The following CTNNA3 variants were observed in gnomAD, a reference collection of about 807,000 sequenced individuals.
CTNNA3 encodes the protein catenin alpha 3.
In CTNNA3, 76 loss-of-function variants were observed where a neutral mutation model predicts 95.7. The ratio of observed to expected loss-of-function variants is 0.79; its 90% CI spans 0.66 to 0.96. The LOEUF (loss-of-function observed/expected upper bound fraction) is 0.96. Among genes scored for constraint, CTNNA3 ranks in the 40% least tolerant of loss-of-function variants. The probability of loss-of-function intolerance (pLI) is 0.00; values close to 1 mark genes in which losing one functional copy is unlikely to be tolerated. For missense variants in CTNNA3, 1,191 were observed against 1,089.8 expected, an observed-to-expected ratio of 1.09 and a Z score of -1.31; for synonymous variants, 431 against 374.4, an observed-to-expected ratio of 1.15 and a Z score of -1.74.
intron 7 of CTNNA3, among the ~76,000 whole-genome samples, chr10:66,800,303 T>G (rs565953096): frequency 1.3e-5 from 2 of 151,460 alleles, no homozygotes; most frequent in South Asian, 4.2e-4. Flanking sequence ...TTTGATAAAT[T>G]AATATCAAAA....
chr10:67,364,453 T>C (rs1843128380), intron 5 of CTNNA3, among the ~76,000 whole-genome samples: 1 of 152,126 alleles, frequency 6.6e-6, no homozygotes, highest in South Asian at 2.1e-4. Flanking sequence ...TTCAATGTAG[T>C]GTTGGAAGTC....
intron 9 of CTNNA3, among the ~76,000 whole-genome samples, chr10:66,659,827 T>G (rs1846198078): frequency 6.6e-6 from 1 of 152,140 alleles, no homozygotes; most frequent in Non-Finnish European, 1.5e-5. Flanking sequence ...CCTCCAGAAC[T>G]GTAAGAAATA....
chr10:66,621,691 C>A lies in CTNNA3; in HGVS notation c.1374+1G>T, dbSNP rs1388172986. The A allele has an allele frequency of 6.3e-7, 1 of 1,578,700 alleles. No individual in the cohort carries two copies. Among genetic ancestry groups the A allele is most frequent in the African/African-American group, 1.4e-5 (1 of 73,796 alleles). On this transcript the variant is annotated splice_donor_variant, in intron 10 of 17. Coordinates refer to ENST00000433211, the MANE Select transcript of CTNNA3 (RefSeq NM_013266.4). LOFTEE classifies it high-confidence loss of function. ...CACAAAAAGTAACTTAGTTGTCATA[C>A]CTGTGGACACAAGGTTTCCAAATGA...
At chr10:66,685,160 CGTATATATATATATACACAT>C (rs1016364850) in intron 9 of CTNNA3, among the ~76,000 whole-genome samples, 6 of 129,222 alleles carry the variant, frequency 4.6e-5, no homozygotes, top group Non-Finnish European at 9.6e-5. Context: ...TATATATACA[CGTATATATATATATACACAT>C]ATATATATAC....
At position 67,564,677 on chromosome 10, in the gene CTNNA3, G is replaced by GTATATATATATATATATA. The variant is rs71006151; in HGVS notation, c.293-25026_293-25009dup. On this transcript the variant is annotated intron_variant, in intron 3 of 17. Transcript: ENST00000433211. ...TATATGCATATATGTGTGTGTGTGT[G>GTATATATATATATATATA]TATATATATATATATATATATATAT... Among the ~76,000 whole-genome samples, 3 of 61,334 alleles carry GTATATATATATATATATA rather than the reference G, an allele frequency of 4.9e-5. 1 individual carries two copies. The highest frequency in any genetic ancestry group is 1.9e-4 in the African/African-American group (3 of 15,662). 40.2% of individuals were successfully genotyped at this position (61,334 alleles called of 152,430 possible). A position where few individuals can be genotyped will look rare whatever the true frequency, so the allele number is the denominator to read the frequency against.
intron 1 of CTNNA3, among the ~76,000 whole-genome samples, chr10:67,709,979 A>G (rs1841097979): frequency 6.6e-6 from 1 of 152,234 alleles, no homozygotes; most frequent in East Asian, 1.9e-4. Flanking sequence ...ATTAAATGCC[A>G]GGTGTGTCCC....
intron 16 of CTNNA3, among the ~76,000 whole-genome samples, chr10:65,980,687 C>G (rs1333053432): frequency 6.6e-6 from 1 of 151,738 alleles, no homozygotes; most frequent in African/African-American, 2.4e-5. Flanking sequence ...AGGGATTATT[C>G]AACATCTGCA....
chr10:66,412,032 T>C (rs906147018), intron 11 of CTNNA3, among the ~76,000 whole-genome samples: 13 of 152,156 alleles, frequency 8.5e-5, no homozygotes, highest in African/African-American at 3.1e-4. Flanking sequence ...ACTTTGGGCC[T>C]AGAAGTTTCC....
intron 5 of CTNNA3, among the ~76,000 whole-genome samples, chr10:67,221,703 T>C (rs1589882974): frequency 6.6e-6 from 1 of 151,866 alleles, no homozygotes; most frequent in East Asian, 1.9e-4. Flanking sequence ...GCCTCCTGAG[T>C]AGCTGAGACT....
intron 7 of CTNNA3, among the ~76,000 whole-genome samples, chr10:66,822,644 C>T (rs1415441078): frequency 6.6e-6 from 1 of 152,100 alleles, no homozygotes; most frequent in Non-Finnish European, 1.5e-5. Flanking sequence ...CAATAGTAGA[C>T]TATTATCAGT....
intron 11 of CTNNA3, among the ~76,000 whole-genome samples, chr10:66,424,904 C>A (rs2093225902): frequency 6.6e-6 from 1 of 151,944 alleles, no homozygotes; most frequent in African/African-American, 2.4e-5. Flanking sequence ...TCACTTAAAT[C>A]CAGGAGTTCA....
intron 13 of CTNNA3, among the ~76,000 whole-genome samples, chr10:66,137,233 G>T (rs989279271): frequency 1.3e-5 from 2 of 152,032 alleles, no homozygotes; most frequent in African/African-American, 4.8e-5. Context: ...CCTGTGCAAC[G>T]CAATGAGGAT....
chr10:67,506,729 T>C (rs1236101872), intron 5 of CTNNA3, among the ~76,000 whole-genome samples: 2 of 152,186 alleles, frequency 1.3e-5, no homozygotes, highest in African/African-American at 2.4e-5. Context: ...TAACAGTCAT[T>C]GTGATGTCTT....
intron 10 of CTNNA3, among the ~76,000 whole-genome samples, chr10:66,567,608 GTC>G (rs1842752746): frequency 6.6e-6 from 1 of 152,096 alleles, no homozygotes; most frequent in Non-Finnish European, 1.5e-5. Context: ...GACAGAGCAA[GTC>G]TCTGTCTCGG....
intron 5 of CTNNA3, among the ~76,000 whole-genome samples, chr10:67,388,962 A>C (rs1488095002): frequency 1.3e-5 from 2 of 152,174 alleles, no homozygotes; most frequent in African/African-American, 4.8e-5. Flanking sequence ...AATCATGCCA[A>C]AATGTAAAGA....
chr10:66,159,551 G>C (rs556341280), intron 13 of CTNNA3, among the ~76,000 whole-genome samples: 5 of 151,190 alleles, frequency 3.3e-5, no homozygotes, highest in African/African-American at 9.7e-5. Context: ...TGTTGGGTTC[G>C]GTTAGCTAGT....
At chr10:66,936,673 CTG>C (rs1847717093) in intron 7 of CTNNA3, among the ~76,000 whole-genome samples, 1 of 152,126 alleles carries the variant, frequency 6.6e-6, no homozygotes, top group African/African-American at 2.4e-5. Flanking sequence ...CTAGTCAACT[CTG>C]AGATGTCTGC....
At chr10:67,700,936 C>T (rs971437511), upstream of CTNNA3, among the ~76,000 whole-genome samples, 6 of 152,090 alleles carry the variant, frequency 3.9e-5, no homozygotes, top group Admixed American at 6.6e-5. Context: ...CTTAAAGGAG[C>T]TGATGGAGCT....
chr10:66,024,261 T>C (rs2079291380), intron 15 of CTNNA3, among the ~76,000 whole-genome samples: 1 of 152,030 alleles, frequency 6.6e-6, no homozygotes, highest in South Asian at 2.1e-4. Context: ...AGCTAACTTT[T>C]TGTATTTTTA....
Sources: gnomAD v4.1 joint callset for allele counts (sites outside exome capture counted in the v4.1 genomes callset) on GRCh38, gnomAD v4.1.1 for gene constraint, MANE v1.5 for transcripts, NCBI Gene and HGNC (gene_info 2026-07-23, HGNC 2026-07-21) for gene names.